Variants in JMJD1C observed in about 807,000 individuals in gnomAD.
The protein encoded by JMJD1C is jumonji domain containing 1C.
In JMJD1C, 31 loss-of-function variants were observed where a neutral mutation model predicts 245.3. That is an observed-to-expected ratio of 0.13 (90% CI 0.09 to 0.17). The LOEUF is 0.17. Among genes scored for constraint, JMJD1C ranks in the 10% least tolerant of loss-of-function variants. The probability of loss-of-function intolerance (pLI) is 1.00; values close to 1 mark genes in which losing one functional copy is unlikely to be tolerated. For synonymous variants in JMJD1C, 1,057 were observed against 1,017.4 expected (o/e 1.04, Z -0.74); for missense variants, 2,691 against 3,000.2 (o/e 0.90, Z 2.41).
intron 1 of JMJD1C, among the ~76,000 whole-genome samples, chr10:63,385,203 G>A (rs1947493152): frequency 1.3e-5 from 2 of 151,964 alleles, no homozygotes; most frequent in African/African-American, 4.8e-5. Context: ...GGCTTCTGGT[G>A]CCCAAAACAA....
At chr10:63,291,948 G>A (rs1190626584) in intron 2 of JMJD1C, among the ~76,000 whole-genome samples, 2 of 151,850 alleles carry the variant, frequency 1.3e-5, no homozygotes, top group African/African-American at 4.8e-5. Flanking sequence ...GTCTGTGTGT[G>A]TTGTATGTGT....
At chr10:63,347,513 G>T (rs1324129724) in intron 2 of JMJD1C, among the ~76,000 whole-genome samples, 1 of 151,126 alleles carries the variant, frequency 6.6e-6, no homozygotes, top group African/African-American at 2.4e-5. Flanking sequence ...GAACCCAGCA[G>T]GTGGAAGTTG....
rs41274072 is a variant in JMJD1C at position 63,214,396 on chromosome 10, T to C, written c.1771A>G (p.Met591Val). Reference sequence around the variant, plus strand: ...TAAGAGACATACTTCTCTTTTTCCATGTTCAAGTGATCATTTCCTGAAGAA... The same window carrying C: ...TAAGAGACATACTTCTCTTTTTCCACGTTCAAGTGATCATTTCCTGAAGAA... ...NASSGNDHLN[M>V]EKEKYVSYIS... Residue 591 changes from methionine to valine, a missense_variant, in exon 8 of 26, where the codon ATG becomes GTG. This residue lies in a region of JMJD1C where 1,562 missense variants were observed against 1,490.7 expected (regional missense o/e 1.05). Transcript: ENST00000399262. 0.033 allele frequency: 52,564 copies of C among 1,613,846 alleles called. 1,181 individuals carry two copies. Among genetic ancestry groups the C allele is most frequent in the African/African-American group, 0.11 (8,233 of 75,028 alleles).
chr10:63,225,986 C>CA (rs1491149548), intron 3 of JMJD1C, among the ~76,000 whole-genome samples: 120 of 9,720 alleles, frequency 0.012, 1 homozygote, highest in African/African-American at 0.03. Flanking sequence ...TTCTCCCCCA[C>CA]CCCCCCCTTC....
At chr10:63,490,096 C>G (rs563922089) in intron 1 of JMJD1C, among the ~76,000 whole-genome samples, 1 of 152,186 alleles carries the variant, frequency 6.6e-6, no homozygotes, top group Admixed American at 6.5e-5. Flanking sequence ...TATTCACCCA[C>G]CCCAGTCCTT....
In JMJD1C at chr10:63,193,529, AATTT is replaced by A. The variant is rs564163615; in HGVS notation, c.5735-61_5735-58del. The A allele has an allele frequency of 8.5e-6, 11 of 1,299,628 alleles. No homozygotes were observed. In the African/African-American group the frequency reaches 1.4e-4, roughly 16 times the overall value. The allele number at this position is 1,299,628 out of a possible 1,614,324, so 80.5% of individuals were successfully genotyped here. A position where few individuals can be genotyped will look rare whatever the true frequency, so the allele number is the denominator to read the frequency against. ...TTACCACTAGTTGTTAATGCTGTAAAATTTTTTTCTTACAATATTTTGTATTATA... is the reference window on the plus strand; with the variant it reads ...TTACCACTAGTTGTTAATGCTGTAAATTTTCTTACAATATTTTGTATTATA... On this transcript the variant is annotated intron_variant, in intron 14 of 25. Coordinates refer to ENST00000399262, the MANE Select transcript of JMJD1C (RefSeq NM_032776.3).
chr10:63,429,784 TAAG>T (rs902599851), intron 1 of JMJD1C, among the ~76,000 whole-genome samples: 7 of 152,288 alleles, frequency 4.6e-5, no homozygotes, highest in Non-Finnish European at 5.9e-5. Context: ...TTACTACAAA[TAAG>T]AAGGTTTATG....
intron 2 of JMJD1C, among the ~76,000 whole-genome samples, chr10:63,340,859 C>T (rs1390021039): frequency 1.3e-5 from 2 of 151,818 alleles, no homozygotes; most frequent in Non-Finnish European, 2.9e-5. Context: ...GCAGGAGAAT[C>T]GCTTGAACCC....
At chr10:63,379,375 A>G (rs1424554751) in intron 2 of JMJD1C, among the ~76,000 whole-genome samples, 2 of 152,212 alleles carry the variant, frequency 1.3e-5, no homozygotes, top group African/African-American at 4.8e-5. Flanking sequence ...AAACAGCAAT[A>G]ACAATAGTTA....
At chr10:63,377,921 CAA>C (rs11364665) in intron 2 of JMJD1C, among the ~76,000 whole-genome samples, 4,443 of 139,512 alleles carry the variant, frequency 0.032, 234 homozygotes, top group African/African-American at 0.11. Context: ...AATAGTATGG[CAA>C]AAAAAAAAAA....
intron 2 of JMJD1C, among the ~76,000 whole-genome samples, chr10:63,302,439 G>A (rs1428759929): frequency 6.6e-6 from 1 of 152,060 alleles, no homozygotes; most frequent in Non-Finnish European, 1.5e-5. Context: ...CAAAACATTT[G>A]ATCTTTGCTA....
At chr10:63,378,645 G>A (rs538146754) in intron 2 of JMJD1C, among the ~76,000 whole-genome samples, 5 of 152,208 alleles carry the variant, frequency 3.3e-5, no homozygotes, top group Non-Finnish European at 5.9e-5. Context: ...TTTTAACTCT[G>A]ATACTGATGT....
chr10:63,257,877 A>T (rs990359521), intron 3 of JMJD1C, among the ~76,000 whole-genome samples: 7 of 152,190 alleles, frequency 4.6e-5, no homozygotes, highest in Non-Finnish European at 7.3e-5. Context: ...TCTATTATAC[A>T]CTGTCTATGG....
intron 3 of JMJD1C, among the ~76,000 whole-genome samples, chr10:63,225,103 AT>A (rs1311266564): frequency 6.6e-6 from 1 of 152,054 alleles, no homozygotes; most frequent in African/African-American, 2.4e-5. Context: ...CAGTCTTCAC[AT>A]TTCACACTTT....
At chr10:63,496,152 C>T (rs1168160455) in intron 1 of JMJD1C, among the ~76,000 whole-genome samples, 3 of 151,346 alleles carry the variant, frequency 2.0e-5, no homozygotes, top group East Asian at 3.9e-4. Context: ...AATGACACCA[C>T]AGGTATGTAA....
chr10:63,183,410 C>T (rs1157907919), intron 22 of JMJD1C, 37 bp downstream of exon 22: 4 of 1,565,922 alleles, frequency 2.6e-6, no homozygotes, highest in Non-Finnish European at 3.5e-6. Flanking sequence ...GATTATTCAA[C>T]TCTTATTTCA....
chr10:63,419,482 G>A (rs1949995439), intron 1 of JMJD1C, among the ~76,000 whole-genome samples: 1 of 152,252 alleles, frequency 6.6e-6, no homozygotes, highest in African/African-American at 2.4e-5. Context: ...GCCAAGACCT[G>A]AAAAGGTGAG....
chr10:63,408,838 A>G lies in JMJD1C; in HGVS notation c.169-28356T>C, dbSNP rs574454251. Among the ~76,000 whole-genome samples, 38 of 152,262 alleles carry G rather than the reference A, an allele frequency of 2.5e-4. 1 individual carries two copies. Among genetic ancestry groups the G allele is most frequent in the African/African-American group, 8.9e-4 (37 of 41,552 alleles). ...AAATCACCAAGATGATAGTCACATA[A>G]AATCAAGAGGCCTGGAGGGCCAGTA... is the stretch of plus-strand genomic sequence containing the variant. On this transcript the variant is annotated intron_variant, in intron 1 of 25. Transcript: ENST00000399262.
chr10:63,398,388 T>A (rs560443625), intron 1 of JMJD1C, among the ~76,000 whole-genome samples: 2 of 152,298 alleles, frequency 1.3e-5, no homozygotes, highest in South Asian at 4.1e-4. Flanking sequence ...TCTGTGGCAT[T>A]TTAAAATATG....
Sources: gnomAD v4.1 joint callset for allele counts (sites outside exome capture counted in the v4.1 genomes callset) on GRCh38, gnomAD v4.1.1 for gene constraint, gnomAD v4.1.1 regional missense constraint, MANE v1.5 for transcripts, NCBI Gene and HGNC (gene_info 2026-07-23, HGNC 2026-07-21) for gene names.